Variants in EHBP1 observed in about 807,000 individuals in gnomAD.
EHBP1 encodes the protein EH domain binding protein 1.
EHBP1 carries 55 observed loss-of-function variants against 144.0 expected under a neutral mutation model. The ratio of observed to expected loss-of-function variants is 0.38; its 90% confidence interval spans 0.31 to 0.48. The LOEUF is 0.48. EHBP1 is among the 20% of genes least tolerant of loss of function. EHBP1 has a pLI of 0.98. For missense variants in EHBP1, 1,200 were observed against 1,364.2 expected (o/e 0.88, Z 1.90); for synonymous variants, 469 against 472.7 (o/e 0.99, Z 0.10).
intron 2 of EHBP1, among the ~76,000 whole-genome samples, chr2:62,744,064 GCCAA>G (rs2038944114): frequency 6.6e-6 from 1 of 152,074 alleles, no homozygotes; most frequent in Admixed American, 6.6e-5. Context: ...CCTTGAACAA[GCCAA>G]CCAAAAGGCC....
chr2:62,894,961 T>TGCAGGCAA (rs992526458), intron 10 of EHBP1, among the ~76,000 whole-genome samples: 2 of 94,858 alleles, frequency 2.1e-5, no homozygotes, highest in African/African-American at 8.4e-5. Context: ...GAGAGAATGC[T>TGCAGGCAA]GCAGGCAAGC....
chr2:62,747,889 G>C (rs1372249521), intron 3 of EHBP1, among the ~76,000 whole-genome samples: 1 of 152,014 alleles, frequency 6.6e-6, no homozygotes, highest in Non-Finnish European at 1.5e-5. Flanking sequence ...GAGGGAGTTT[G>C]TTTCCTTTTT....
rs1273602212 is a variant in EHBP1, at chr2:62,948,672, G to A, written c.1826G>A (p.Cys609Tyr). 3 of 1,613,974 alleles carry A rather than the reference G, an allele frequency of 1.9e-6. No individual in the cohort carries two copies. Among genetic ancestry groups the A allele is most frequent in the East Asian group, 4.5e-5 (2 of 44,816 alleles). The part of the protein sequence containing the change: ...HLSPSTASPY[C>Y]RRTKSDTEPQ... ...AGTCCAAGCACAGCCTCCCCTTACTGTCGCAGGACTAAAAGTGACACAGAA... is the reference window on the plus strand; with the variant it reads ...AGTCCAAGCACAGCCTCCCCTTACTATCGCAGGACTAAAAGTGACACAGAA... Residue 609 changes from cysteine (C) to tyrosine (Y), a missense_variant, in exon 13 of 23, where the codon TGT (cysteine) becomes TAT (tyrosine). Around this residue, in one of 6 missense-constraint regions of EHBP1, gnomAD observed 543 missense variants for 513.1 expected, o/e 1.06. Coordinates refer to ENST00000431489, the MANE Select transcript of EHBP1 (RefSeq NM_001142616.3).
chr2:62,948,531 T>C lies in EHBP1; in HGVS notation c.1685T>C (p.Leu562Pro), dbSNP rs750255640. 1.9e-6 allele frequency: 3 copies of C among 1,614,110 alleles called. No homozygotes were observed. Among genetic ancestry groups the C allele is most frequent in the Non-Finnish European group, 2.5e-6 (3 of 1,179,978 alleles). Residue 562 changes from leucine (L) to proline (P), a missense_variant, in exon 13 of 23, where the codon CTA (leucine) becomes CCA (proline). Leu to Pro is a moderately conservative substitution (Grantham distance 98). Coordinates refer to ENST00000431489, the MANE Select transcript of EHBP1 (RefSeq NM_001142616.3). ...ELSDLKREPE[L>P]QQPISGAVDF... ...AGTGATCTGAAGCGGGAGCCTGAAC[T>C]ACAACAGCCTATCAGCGGAGCAGTA...
At chr2:62,918,281 G>A (rs947121298) in intron 10 of EHBP1, among the ~76,000 whole-genome samples, 5 of 152,062 alleles carry the variant, frequency 3.3e-5, no homozygotes, top group Middle Eastern at 3.4e-3. Context: ...TACAACTACC[G>A]TAGTAAATTT....
intron 8 of EHBP1, among the ~76,000 whole-genome samples, chr2:62,864,174 A>T (rs2049867850): frequency 6.6e-6 from 1 of 151,954 alleles, no homozygotes; most frequent in African/African-American, 2.4e-5. Context: ...AATTGAGGTC[A>T]TGCTCTGTCA....
At chr2:62,959,723 C>A (rs374087320) in intron 14 of EHBP1, among the ~76,000 whole-genome samples, 2 of 152,054 alleles carry the variant, frequency 1.3e-5, no homozygotes, top group South Asian at 2.1e-4. Flanking sequence ...ACTTTTTAAT[C>A]GGGTTAACAG....
At chr2:62,767,589 C>T (rs1426993185) in intron 4 of EHBP1, among the ~76,000 whole-genome samples, 1 of 151,768 alleles carries the variant, frequency 6.6e-6, no homozygotes, top group African/African-American at 2.4e-5. Context: ...AATCCCAGCA[C>T]TGTGGGAGGT....
intron 1 of EHBP1, among the ~76,000 whole-genome samples, chr2:62,683,638 G>A (rs552566121): frequency 2.5e-4 from 28 of 111,206 alleles, no homozygotes; most frequent in South Asian, 6.3e-4. Flanking sequence ...CAGCCTGGGC[G>A]AAAGAGCGAG....
At chr2:62,877,677 A>G (rs2051008026) in intron 10 of EHBP1, among the ~76,000 whole-genome samples, 1 of 152,206 alleles carries the variant, frequency 6.6e-6, no homozygotes, top group Non-Finnish European at 1.5e-5. Flanking sequence ...AAAAACAGAA[A>G]TCAATACTAA....
chr2:62,913,339 A>G lies in EHBP1; in HGVS notation c.1186-29379A>G, dbSNP rs1005064858. ...AGATCTATGAAAATGATAAAGCATT[A>G]TATCTCATATTGAAGTTTTGCTGAT... On this transcript the variant is annotated intron_variant, in intron 10 of 22. Transcript: ENST00000431489. Among the ~76,000 whole-genome samples, 48 of 152,218 alleles carry G rather than the reference A, an allele frequency of 3.2e-4. 1 individual carries two copies. Among genetic ancestry groups the G allele is most frequent in the Non-Finnish European group, 8.8e-5 (6 of 68,034 alleles).
chr2:62,830,429 G>A (rs781217672), intron 6 of EHBP1, among the ~76,000 whole-genome samples: 1 of 151,886 alleles, frequency 6.6e-6, no homozygotes, highest in Non-Finnish European at 1.5e-5. Flanking sequence ...CACCATGCCC[G>A]GCACATATAT....
At position 62,864,968 on chromosome 2, in the gene EHBP1, A is replaced by T. The variant is rs771286650; in HGVS notation, c.995A>T (p.Asp332Val). 1 of 1,612,892 alleles carries T rather than the reference A, an allele frequency of 6.2e-7. No homozygotes were observed. The highest frequency in any genetic ancestry group is 8.5e-7 in the Non-Finnish European group (1 of 1,179,758). The stretch of plus-strand genomic sequence containing the variant: ...TCTAAAACTGAAGAAGAAGAATTGG[A>T]TGAGTAAGTACATTTCATTTTGCTG... Reference protein sequence around the residue: ...DSSKTEEEELDESNPFYEPKS... With the variant: ...DSSKTEEEELVESNPFYEPKS... Residue 332 changes from aspartate to valine, a missense_variant, in exon 9 of 23, where the codon GAT becomes GTT. By Grantham distance (152) the Asp-to-Val change is radical (BLOSUM62 -3). Coordinates refer to ENST00000431489, the MANE Select transcript of EHBP1 (RefSeq NM_001142616.3).
At chr2:62,756,508 C>A (rs900765278) in intron 3 of EHBP1, among the ~76,000 whole-genome samples, 7 of 152,040 alleles carry the variant, frequency 4.6e-5, no homozygotes, top group Non-Finnish European at 8.8e-5. Flanking sequence ...TTGGCTCATG[C>A]CTGTAATCCC....
chr2:62,931,158 G>T (rs956750558), intron 10 of EHBP1, among the ~76,000 whole-genome samples: 21 of 152,030 alleles, frequency 1.4e-4, no homozygotes, highest in African/African-American at 5.1e-4. Context: ...GCATATATAG[G>T]AAACTCTTAA....
At chr2:62,754,122 T>C (rs2040030140) in intron 3 of EHBP1, among the ~76,000 whole-genome samples, 1 of 152,164 alleles carries the variant, frequency 6.6e-6, no homozygotes, top group Non-Finnish European at 1.5e-5. Context: ...ATCTTTGTGG[T>C]TTTATCTACC....
intron 5 of EHBP1, among the ~76,000 whole-genome samples, chr2:62,807,178 C>T (rs944867298): frequency 1.2e-4 from 19 of 152,298 alleles, no homozygotes; most frequent in African/African-American, 3.4e-4. Context: ...GGACAACATA[C>T]GCATAACAAT....
chr2:63,021,684 CCT>C (rs1293470743), intron 19 of EHBP1, among the ~76,000 whole-genome samples: 3 of 152,136 alleles, frequency 2.0e-5, no homozygotes, highest in Non-Finnish European at 2.9e-5. Context: ...TGCGTTGGCC[CCT>C]GAGTCCCGAA....
chr2:62,879,397 C>T (rs146050200), intron 10 of EHBP1, among the ~76,000 whole-genome samples: 1 of 152,192 alleles, frequency 6.6e-6, no homozygotes, highest in East Asian at 1.9e-4. Context: ...ATAGTTGCTG[C>T]TCCAAAGCTC....
Sources: allele counts gnomAD v4.1 joint callset (sites outside exome capture counted in the v4.1 genomes callset), GRCh38; gene constraint gnomAD v4.1.1; regional missense constraint gnomAD v4.1.1; transcripts MANE v1.5; gene names NCBI Gene and HGNC (gene_info 2026-07-23, HGNC 2026-07-21).